CADPS: variants seen among roughly 807,000 people sequenced by gnomAD.
The protein encoded by CADPS is calcium dependent secretion activator.
Under a neutral mutation model 167.3 loss-of-function variants are expected in CADPS, and 57 were observed. The ratio of observed to expected loss-of-function variants is 0.34; its 90% CI spans 0.28 to 0.42. The LOEUF (loss-of-function observed/expected upper bound fraction) is 0.42. Among genes scored for constraint, CADPS ranks in the 20% least tolerant of loss-of-function variants. The pLI, the probability that CADPS is intolerant of heterozygous loss-of-function variation, is 1.00. For missense variants in CADPS, 1,414 were observed against 1,738.1 expected, an observed-to-expected ratio of 0.81 and a Z score of 3.32; for synonymous variants, 676 against 635.3, an observed-to-expected ratio of 1.06 and a Z score of -0.96.
rs2076123023 is a variant in CADPS at position 62,544,181 on chromosome 3, T to C, written c.1966+5722A>G. ...TTTTGTGTGTGCTAGTTCCATGTAT[T>C]GTAGCTCTCCTTTCAAAATTAATCC... On this transcript the variant is annotated intron_variant, in intron 11 of 29. Coordinates refer to ENST00000383710, the MANE Select transcript of CADPS (RefSeq NM_003716.4). The surrounding 1 kb of genome is among the most constrained non-coding windows in gnomAD (Gnocchi z 4.4). Among the ~76,000 whole-genome samples the C allele has an allele frequency of 6.6e-6, 1 of 152,106 alleles. No individual in the cohort carries two copies. The highest frequency in any genetic ancestry group is 2.4e-5 in the African/African-American group (1 of 41,452).
intron 3 of CADPS, among the ~76,000 whole-genome samples, chr3:62,740,789 A>C (rs1319739773): frequency 6.6e-6 from 1 of 152,154 alleles, no homozygotes; most frequent in African/African-American, 2.4e-5. Flanking sequence ...GGCTCCTTAC[A>C]TACCTTATTT....
intron 9 of CADPS, among the ~76,000 whole-genome samples, chr3:62,566,164 ACT>A (rs1562244173): frequency 6.6e-6 from 1 of 152,186 alleles, no homozygotes; most frequent in Non-Finnish European, 1.5e-5. Context: ...TGGTTTCCAC[ACT>A]GTTTTCCAGG....
chr3:62,775,935 T>C (rs1559563965), intron 1 of CADPS, among the ~76,000 whole-genome samples: 4 of 152,230 alleles, frequency 2.6e-5, no homozygotes, highest in African/African-American at 9.6e-5. Context: ...CCATGACAGA[T>C]ATAATGATTA....
At chr3:62,666,572 T>A (rs1013227467) in intron 3 of CADPS, among the ~76,000 whole-genome samples, 11 of 152,244 alleles carry the variant, frequency 7.2e-5, no homozygotes, top group African/African-American at 2.6e-4. Context: ...TAAAGGCTCT[T>A]TACCTAATTA....
At chr3:62,831,503 A>T (rs1460328739) in intron 1 of CADPS, among the ~76,000 whole-genome samples, 1 of 152,112 alleles carries the variant, frequency 6.6e-6, no homozygotes, top group Non-Finnish European at 1.5e-5. Flanking sequence ...GCATGGTTCC[A>T]TTACCAAATT....
At chr3:62,844,565 C>A (rs1473709475) in intron 1 of CADPS, among the ~76,000 whole-genome samples, 4 of 152,188 alleles carry the variant, frequency 2.6e-5, no homozygotes, top group Non-Finnish European at 5.9e-5. Flanking sequence ...AACATCCAAG[C>A]TTGGTGAGGA....
intron 26 of CADPS, among the ~76,000 whole-genome samples, chr3:62,453,087 C>T (rs2058275162): frequency 6.6e-6 from 1 of 152,114 alleles, no homozygotes; most frequent in African/African-American, 2.4e-5. Context: ...GAGCTGTGAT[C>T]ATGCCACTGC....
intron 7 of CADPS, among the ~76,000 whole-genome samples, chr3:62,588,553 G>A (rs1393235502): frequency 6.6e-6 from 1 of 151,852 alleles, no homozygotes; most frequent in African/African-American, 2.4e-5. Flanking sequence ...GCACTTTAGG[G>A]GACAATTTGG....
rs147412850 is a variant in CADPS at position 62,553,911 on chromosome 3, C to T, written c.1753+3494G>A. Among the ~76,000 whole-genome samples, 114 of 152,246 alleles carry T rather than the reference C, an allele frequency of 7.5e-4. 1 individual carries two copies. In the East Asian group the frequency reaches 0.02, roughly 26 times the overall value. ...CCTCAAATGGGCTCTCCTTGGAGAA[C>T]GAGGGGCACAGTCCCACAATTCAAA... On this transcript the variant is annotated intron_variant, in intron 10 of 29. Coordinates refer to ENST00000383710, the MANE Select transcript of CADPS (RefSeq NM_003716.4).
chr3:62,798,936 C>T (rs934298783), intron 1 of CADPS, among the ~76,000 whole-genome samples: 1 of 152,106 alleles, frequency 6.6e-6, no homozygotes, highest in Non-Finnish European at 1.5e-5. Context: ...GATGGAGAAC[C>T]CACTGCCATG....
intron 9 of CADPS, among the ~76,000 whole-genome samples, chr3:62,570,473 A>C (rs2081081433): frequency 6.6e-6 from 1 of 152,198 alleles, no homozygotes; most frequent in Non-Finnish European, 1.5e-5. Flanking sequence ...CATTGTTTTC[A>C]GCCAAAGTTA....
At chr3:62,644,569 A>G (rs1241652958) in intron 6 of CADPS, among the ~76,000 whole-genome samples, 1 of 152,002 alleles carries the variant, frequency 6.6e-6, no homozygotes, top group East Asian at 1.9e-4. Flanking sequence ...AGGCCTAACA[A>G]CTTCCTCATG....
intron 1 of CADPS, among the ~76,000 whole-genome samples, chr3:62,860,579 G>A (rs965721962): frequency 3.3e-5 from 5 of 152,228 alleles, no homozygotes; most frequent in East Asian, 1.9e-4. Context: ...GACTTGCACA[G>A]TTCAAACCCA....
intron 17 of CADPS, among the ~76,000 whole-genome samples, chr3:62,502,325 T>A (rs1280985729): frequency 6.6e-6 from 1 of 151,982 alleles, no homozygotes; most frequent in East Asian, 1.9e-4. Context: ...TTTTGGCCAC[T>A]TAACGCTGTC....
intron 11 of CADPS, among the ~76,000 whole-genome samples, chr3:62,543,673 A>C (rs2076047017): frequency 6.6e-6 from 1 of 152,140 alleles, no homozygotes; most frequent in African/African-American, 2.4e-5. Flanking sequence ...GAAACAAAAA[A>C]AATTTGAAGA....
At chr3:62,686,225 T>C (rs1243164377) in intron 3 of CADPS, among the ~76,000 whole-genome samples, 1 of 152,052 alleles carries the variant, frequency 6.6e-6, no homozygotes, top group African/African-American at 2.4e-5. Context: ...CTGCATGTTT[T>C]AGCAAACAGA....
chr3:62,450,570 C>T (rs1408608789), intron 26 of CADPS, among the ~76,000 whole-genome samples: 3 of 152,192 alleles, frequency 2.0e-5, no homozygotes, highest in Non-Finnish European at 4.4e-5. Context: ...TAGGACAACC[C>T]ATATCTTTTC....
chr3:62,748,344 C>CAAAAAAAAAAAAAAAAAAA lies in CADPS; in HGVS notation c.888+5078_888+5096dup, dbSNP rs60942307. ...CTGGGCGAGAAGCGAGACTCCGTCTCAAAAAAAAAAAAAAAAAAAAAAAAA... is the reference window on the plus strand; with the variant it reads ...CTGGGCGAGAAGCGAGACTCCGTCTCAAAAAAAAAAAAAAAAAAAAAAAAAAAAAAAAAAAAAAAAAAAA... On this transcript the variant is annotated intron_variant, in intron 3 of 29. Coordinates refer to ENST00000383710, the MANE Select transcript of CADPS (RefSeq NM_003716.4). Among the ~76,000 whole-genome samples, 75 of 48,496 alleles carry CAAAAAAAAAAAAAAAAAAA rather than the reference C, an allele frequency of 1.5e-3. 3 individuals carry two copies. The highest frequency in any genetic ancestry group is 3.7e-3 in the East Asian group (3 of 812). 31.8% of individuals were successfully genotyped at this position (48,496 alleles called of 152,430 possible).
At chr3:62,527,819 T>C (rs1219080541) in intron 13 of CADPS, among the ~76,000 whole-genome samples, 1 of 152,158 alleles carries the variant, frequency 6.6e-6, no homozygotes, top group African/African-American at 2.4e-5. Context: ...AAATGGGCTC[T>C]ATTCAGTTAA....
Sources: allele counts gnomAD v4.1 joint callset (sites outside exome capture counted in the v4.1 genomes callset), GRCh38; gene constraint gnomAD v4.1.1; non-coding constraint Gnocchi (gnomAD v3.1); transcripts MANE v1.5; gene names NCBI Gene and HGNC (gene_info 2026-07-23, HGNC 2026-07-21).